PCNX1: variants seen among roughly 807,000 people sequenced by gnomAD.
PCNX1 encodes pecanex-like protein 1.
In PCNX1, 78 loss-of-function variants were observed where a neutral mutation model predicts 242.2. That is an observed-to-expected ratio of 0.32 (90% CI 0.27 to 0.39). PCNX1 has a LOEUF of 0.39. PCNX1 is among the 10% of genes least tolerant of loss of function. The pLI is 1.00. For missense variants in PCNX1, 2,581 were observed against 2,856.5 expected, an observed-to-expected ratio of 0.90 and a Z score of 2.20; for synonymous variants, 1,024 against 1,032.9, an observed-to-expected ratio of 0.99 and a Z score of 0.17.
chr14:70,940,854 C>T (rs35041597), intron 1 of PCNX1, among the ~76,000 whole-genome samples: 14,792 of 152,144 alleles, frequency 0.097, 826 homozygotes, highest in Admixed American at 0.17. Context: ...CTAAACTTCT[C>T]TTCTCACTTC....
rs1872502486 is a variant in PCNX1, at chr14:71,102,100, G to A, written c.5700G>A (p.Arg1900=). ...CCCATGAAGGGGACCCTGCATGGCG[G>A]AGTGCAGTACTTGCCAACTCTCCCT... is the stretch of plus-strand genomic sequence containing the variant. ...VIAHEGDPAW[R]SAVLANSPSL... Residue 1900 remains arginine (R), a synonymous_variant, in exon 31 of 36, where the codon CGG becomes CGA. Coordinates refer to ENST00000304743, the MANE Select transcript of PCNX1 (RefSeq NM_014982.3). 1 of 1,613,652 alleles carries A rather than the reference G, an allele frequency of 6.2e-7. No individual in the cohort carries two copies. The highest frequency in any genetic ancestry group is 1.3e-5 in the African/African-American group (1 of 74,878).
In PCNX1 at chr14:71,014,850, C is replaced by T. The variant is rs75311643; in HGVS notation, c.2996+1648C>T. Among the ~76,000 whole-genome samples, 6 of 152,146 alleles carry T rather than the reference C, an allele frequency of 3.9e-5. No homozygotes were observed. The East Asian group carries it at 1.2e-3, about 29-fold the overall frequency. ...GAGAACTTTCCAAATTTGATGAAAA[C>T]TGTGAATATACATTCAGGAAGCCCA... On this transcript the variant is annotated intron_variant, in intron 11 of 35. Coordinates refer to ENST00000304743, the MANE Select transcript of PCNX1 (RefSeq NM_014982.3).
rs186059154 is a variant in PCNX1 at position 71,101,392 on chromosome 14, C to T, written c.5590-598C>T. Among the ~76,000 whole-genome samples, 14 of 152,250 alleles carry T rather than the reference C, an allele frequency of 9.2e-5. No individual in the cohort carries two copies. In the East Asian group the frequency reaches 2.1e-3, roughly 23 times the overall value. On this transcript the variant is annotated intron_variant, in intron 30 of 35. Transcript: ENST00000304743. ...CAGACAGTCTTGTACATGGTAGATA[C>T]TGAATAACTATCAAATGAATAAGTA...
chr14:71,108,863 G>A lies in PCNX1; in HGVS notation c.6561G>A (p.Gln2187=). The change falls in exon 34 of 36, where the codon CAG becomes CAA. Residue 2187 remains glutamine, a synonymous_variant. Coordinates refer to ENST00000304743, the MANE Select transcript of PCNX1 (RefSeq NM_014982.3). ...GTCAGAGCGGCCTGGCCTGTGTGCA[G>A]CACGGCCTGCCTTCCTCCAGCAGCT... ...PSGQSGLACV[Q]HGLPSSSSSS... 1 of 1,614,232 alleles carries A rather than the reference G, an allele frequency of 6.2e-7. No homozygotes were observed. The highest frequency in any genetic ancestry group is 8.5e-7 in the Non-Finnish European group (1 of 1,180,046).
chr14:70,948,437 GATAAAT>G (rs1566605496), intron 2 of PCNX1, among the ~76,000 whole-genome samples: 1 of 152,080 alleles, frequency 6.6e-6, no homozygotes, highest in East Asian at 1.9e-4. Flanking sequence ...TGGTTCCCCT[GATAAAT>G]ACACTACTGT....
In PCNX1 at chr14:71,097,755, C is replaced by CT. The variant is rs1477867812; in HGVS notation, c.5590-4231dup. On this transcript the variant is annotated intron_variant, in intron 30 of 35. Transcript: ENST00000304743. ...TGTCAGTTTACTCTGTTCACAACTT[C>CT]TTTTCCTGTGTAGAAGCTCTTCAGT... 1.4e-4 allele frequency among the ~76,000 whole-genome samples: 22 copies of CT among 152,270 alleles called. No homozygotes were observed. In the South Asian group the frequency reaches 1.4e-3, roughly 10 times the overall value.
chr14:70,968,510 G>C (rs575262019), intron 4 of PCNX1, among the ~76,000 whole-genome samples: 1 of 152,268 alleles, frequency 6.6e-6, no homozygotes, highest in East Asian at 1.9e-4. Context: ...TTGCCCTTGA[G>C]GGAAAACAGT....
At chr14:71,093,900 T>A (rs990669175) in intron 30 of PCNX1, 1 of 152,230 alleles carries the variant, frequency 6.6e-6, no homozygotes, top group African/African-American at 2.4e-5. Flanking sequence ...TTCTCTAGCT[T>A]ACATTATTAT....
intron 5 of PCNX1, chr14:70,970,130 C>T (rs908951051): frequency 5.3e-5 from 8 of 152,080 alleles, no homozygotes; most frequent in Non-Finnish European, 8.8e-5. Context: ...GAGGCCAAGG[C>T]AGGAGGATCG....
At chr14:71,072,804 A>G (rs768428032) in intron 26 of PCNX1, among the ~76,000 whole-genome samples, 1 of 152,202 alleles carries the variant, frequency 6.6e-6, no homozygotes, top group African/African-American at 2.4e-5. Flanking sequence ...CTAGATTGCT[A>G]TGGGTCTCAT....
At chr14:70,917,182 A>C (rs2056183738) in intron 1 of PCNX1, among the ~76,000 whole-genome samples, 1 of 152,156 alleles carries the variant, frequency 6.6e-6, no homozygotes, top group African/African-American at 2.4e-5. Flanking sequence ...TAAACCCCTC[A>C]AAGTTATCCA....
Position 71,103,623 on chromosome 14 carries a change from A to G in PCNX1, c.6049A>G (p.Ile2017Val), listed in dbSNP as rs145435305. ...GCTTAAAGACATTCTTGGGGGTCCTATCAGCTTGGGAAATATCAGGAACTT... is the reference window on the plus strand; with the variant it reads ...GCTTAAAGACATTCTTGGGGGTCCTGTCAGCTTGGGAAATATCAGGAACTT... ...EQLKDILGGP[I>V]SLGNIRNFIV... Residue 2017 changes from isoleucine to valine, a missense_variant, in exon 32 of 36, where the codon ATC becomes GTC. Around this residue, in one of 9 missense-constraint regions of PCNX1, gnomAD observed 432 missense variants for 433.6 expected, o/e 1.00. Coordinates refer to ENST00000304743, the MANE Select transcript of PCNX1 (RefSeq NM_014982.3). 41 of 1,614,038 alleles carry G rather than the reference A, an allele frequency of 2.5e-5. No individual in the cohort carries two copies. Among genetic ancestry groups the G allele is most frequent in the Admixed American group, 3.3e-5 (2 of 59,996 alleles).
At chr14:70,972,282 G>T (rs1203048590) in intron 5 of PCNX1, among the ~76,000 whole-genome samples, 1 of 151,326 alleles carries the variant, frequency 6.6e-6, no homozygotes, top group East Asian at 2.0e-4. Flanking sequence ...TAAGTTAGGG[G>T]GTTCAGTTCA....
rs1202518751 is a variant in PCNX1, at chr14:71,076,500, G to A, written c.5337+81G>A. ...GAATGTCCCTGTTAGTTCTTATGAG[G>A]TCAGTTTTTCAAGACCTTCCTCTTT... On this transcript the variant is annotated intron_variant, in intron 28 of 35. Coordinates refer to ENST00000304743, the MANE Select transcript of PCNX1 (RefSeq NM_014982.3). 5 of 896,094 alleles carry A rather than the reference G, an allele frequency of 5.6e-6. No homozygotes were observed. The East Asian group carries it at 1.0e-4, about 18-fold the overall frequency. The allele number at this position is 896,094 out of a possible 1,614,324, so 55.5% of individuals were successfully genotyped here. A position where few individuals can be genotyped will look rare whatever the true frequency, so the allele number is the denominator to read the frequency against.
rs777713016 is a variant in PCNX1 at position 71,019,013 on chromosome 14, C to T, written c.3001C>T (p.Arg1001Cys). 1 of 1,609,692 alleles carries T rather than the reference C, an allele frequency of 6.2e-7. No individual in the cohort carries two copies. Among genetic ancestry groups the T allele is most frequent in the Non-Finnish European group, 8.5e-7 (1 of 1,178,184 alleles). ...CATAAGTTTTTCTGTCCGTAGAAAT[C>T]GTGAGATCCTGGAAAATGTGTTAGC... ...LTLLALFDRN[R>C]EILENVLAVI... Residue 1001 changes from arginine to cysteine, a missense_variant, in exon 12 of 36, where the codon CGT becomes TGT. This residue lies in a region of PCNX1 where 3 missense variants were observed against 16.3 expected (regional missense o/e 0.18). Transcript: ENST00000304743.
rs528875607 is a variant in PCNX1 at position 70,957,843 on chromosome 14, T to G, written c.363-4383T>G. ...GTGTATGTATGTGTGTGTATATATA[T>G]AGAGAGAGAGAGAGAGACTAGGCAA... On this transcript the variant is annotated intron_variant, in intron 2 of 35. Transcript: ENST00000304743. 8.2e-3 allele frequency among the ~76,000 whole-genome samples: 1,241 copies of G among 150,738 alleles called. 12 individuals carry two copies. Among genetic ancestry groups the G allele is most frequent in the Non-Finnish European group, 0.011 (765 of 67,584 alleles).
intron 1 of PCNX1, among the ~76,000 whole-genome samples, chr14:70,934,716 A>G (rs1353814269): frequency 2.0e-5 from 3 of 152,218 alleles, no homozygotes. Flanking sequence ...AAAATAAAAC[A>G]TTAAAGTAGT....
chr14:71,044,552 G>A (rs1323279995), intron 19 of PCNX1: 1 of 152,458 alleles, frequency 6.6e-6, no homozygotes, highest in African/African-American at 2.4e-5. Context: ...AGGAACAGAT[G>A]ACCCTCCTGC....
At chr14:70,990,691 A>G (rs549935598) in intron 7 of PCNX1, among the ~76,000 whole-genome samples, 1 of 152,322 alleles carries the variant, frequency 6.6e-6, no homozygotes, top group Admixed American at 6.5e-5. Flanking sequence ...TGAGAAGACA[A>G]TCAATTTAAC....
Sources: allele counts gnomAD v4.1 joint callset (sites outside exome capture counted in the v4.1 genomes callset), GRCh38; gene constraint gnomAD v4.1.1; regional missense constraint gnomAD v4.1.1; transcripts MANE v1.5; gene names NCBI Gene and HGNC (gene_info 2026-07-23, HGNC 2026-07-21).